The following GPM6A variants were observed in gnomAD, a reference collection of about 807,000 sequenced individuals.
The protein encoded by GPM6A is glycoprotein M6A.
Under a neutral mutation model 32.1 loss-of-function variants are expected in GPM6A, and 7 were observed. That is an observed-to-expected ratio of 0.22 (90% CI 0.12 to 0.41). The LOEUF (loss-of-function observed/expected upper bound fraction) is 0.41. Among genes scored for constraint, GPM6A ranks in the 10% least tolerant of loss-of-function variants. The pLI, the probability that GPM6A is intolerant of heterozygous loss-of-function variation, is 1.00. For synonymous variants in GPM6A, 130 were observed against 123.4 expected, an observed-to-expected ratio of 1.05 and a Z score of -0.35; for missense variants, 235 against 347.2, an observed-to-expected ratio of 0.68 and a Z score of 2.57.
chr4:175,753,013 A>G (rs1732396792), intron 1 of GPM6A, among the ~76,000 whole-genome samples: 1 of 152,194 alleles, frequency 6.6e-6, no homozygotes, highest in Admixed American at 6.5e-5. Flanking sequence ...CCATGCGCTG[A>G]AACATAGTGT....
intron 1 of GPM6A, among the ~76,000 whole-genome samples, chr4:175,764,363 T>C (rs1044033145): frequency 6.6e-6 from 1 of 152,234 alleles, no homozygotes; most frequent in African/African-American, 2.4e-5. Context: ...TTTCTTATGC[T>C]TGAATGTTAT....
chr4:175,929,544 G>A (rs964513188), intron 1 of GPM6A, among the ~76,000 whole-genome samples: 2 of 152,178 alleles, frequency 1.3e-5, no homozygotes, highest in African/African-American at 4.8e-5. Context: ...TTGATTGGAT[G>A]AGGCATGTAT....
At chr4:175,794,658 T>C (rs1734147749) in intron 1 of GPM6A, among the ~76,000 whole-genome samples, 1 of 152,182 alleles carries the variant, frequency 6.6e-6, no homozygotes. Context: ...TGACTTATGA[T>C]GAATATGGAA....
chr4:175,739,699 G>C (rs1029666284), intron 1 of GPM6A, among the ~76,000 whole-genome samples: 4 of 151,854 alleles, frequency 2.6e-5, no homozygotes, highest in African/African-American at 9.7e-5. Context: ...TAAGGTTCAG[G>C]GGCAAAAGTG....
intron 1 of GPM6A, among the ~76,000 whole-genome samples, chr4:175,850,146 C>A (rs7664176): frequency 0.032 from 4,829 of 152,216 alleles, 240 homozygotes; most frequent in African/African-American, 0.11. Context: ...AACCTTCTTT[C>A]ATTCTTTCCA....
At chr4:175,950,338 A>T (rs1439970513) in intron 1 of GPM6A, among the ~76,000 whole-genome samples, 1 of 152,216 alleles carries the variant, frequency 6.6e-6, no homozygotes, top group Non-Finnish European at 1.5e-5. Context: ...GGCTTTATTA[A>T]TTAAAATAAT....
chr4:175,983,637 T>C (rs1424438170), intron 1 of GPM6A, among the ~76,000 whole-genome samples: 1 of 152,218 alleles, frequency 6.6e-6, no homozygotes, highest in Non-Finnish European at 1.5e-5. Flanking sequence ...TTTCTTAGAA[T>C]AAAGCCCACT....
chr4:175,831,540 C>A lies in GPM6A; in HGVS notation c.-22-19291G>T, dbSNP rs114161181. ...GGGCCCCATGTCAAGAAAGTAACAT[C>A]TTTTTCTGTTTTGCAAAACAAATCC... On this transcript the variant is annotated intron_variant, in intron 1 of 7. Coordinates refer to the GPM6A transcript ENST00000280187. 6.9e-3 allele frequency among the ~76,000 whole-genome samples: 1,047 copies of A among 152,124 alleles called. 15 individuals carry two copies. The highest frequency in any genetic ancestry group is 0.023 in the African/African-American group (974 of 41,520).
At chr4:176,000,372 T>G (rs925202139) in intron 1 of GPM6A, among the ~76,000 whole-genome samples, 3 of 152,208 alleles carry the variant, frequency 2.0e-5, no homozygotes, top group Non-Finnish European at 4.4e-5. Context: ...ACTCAGCTGT[T>G]AACTCCACAC....
At chr4:175,655,199 T>C (rs1243247113) in intron 3 of GPM6A, among the ~76,000 whole-genome samples, 1 of 152,166 alleles carries the variant, frequency 6.6e-6, no homozygotes, top group Non-Finnish European at 1.5e-5. Context: ...TTTTCATTAC[T>C]ATTAATGCAT....
intron 2 of GPM6A, among the ~76,000 whole-genome samples, chr4:175,699,396 A>T (rs1029125904): frequency 1.3e-5 from 2 of 152,198 alleles, no homozygotes; most frequent in Admixed American, 1.3e-4. Context: ...GAAAACTGAT[A>T]AACTGTCTAC....
Position 175,962,016 on chromosome 4 carries a change from A to G in GPM6A, c.-23+40293T>C, listed in dbSNP as rs148841481. ...ATATTAACAGGGGAGCACAACTGAA[A>G]ATGTTCACGTCTCAGGCCTTACTTA... On this transcript the variant is annotated intron_variant, in intron 1 of 7. Transcript: ENST00000280187. 148 of 596,912 alleles carry G rather than the reference A, an allele frequency of 2.5e-4. 1 individual carries two copies. The East Asian group carries it at 4.5e-3, about 18-fold the overall frequency. The allele number at this position is 596,912 out of a possible 1,614,324, so 37.0% of individuals were successfully genotyped here. A position where few individuals can be genotyped will look rare whatever the true frequency, so the allele number is the denominator to read the frequency against.
chr4:175,669,469 C>G (rs1024795807), intron 3 of GPM6A, among the ~76,000 whole-genome samples: 11 of 152,100 alleles, frequency 7.2e-5, no homozygotes, highest in African/African-American at 2.7e-4. Context: ...CCAAATACCC[C>G]AAATCTGCAA....
intron 1 of GPM6A, among the ~76,000 whole-genome samples, chr4:175,789,081 C>T (rs1560933726): frequency 6.6e-6 from 1 of 152,054 alleles, no homozygotes; most frequent in Admixed American, 6.6e-5. Flanking sequence ...TTGAATGAGG[C>T]CAGCAGGGTT....
At chr4:175,721,148 A>AAT (rs3032644) in intron 1 of GPM6A, among the ~76,000 whole-genome samples, 8,453 of 135,138 alleles carry the variant, frequency 0.063, 414 homozygotes, top group East Asian at 0.27. Flanking sequence ...TATATATTCT[A>AAT]ATATATATAT....
chr4:175,693,031 G>A (rs1378919057), intron 2 of GPM6A, among the ~76,000 whole-genome samples: 4 of 151,874 alleles, frequency 2.6e-5, no homozygotes, highest in Non-Finnish European at 5.9e-5. Flanking sequence ...CTATAACTCT[G>A]TTAAAGTACT....
chr4:175,703,289 A>G (rs1466697032), intron 1 of GPM6A, among the ~76,000 whole-genome samples: 1 of 152,092 alleles, frequency 6.6e-6, no homozygotes, highest in Non-Finnish European at 1.5e-5. Flanking sequence ...CTCCTGCCTC[A>G]GCCTCCCGAG....
intron 1 of GPM6A, among the ~76,000 whole-genome samples, chr4:175,711,758 T>A (rs1745563228): frequency 6.6e-6 from 1 of 151,622 alleles, no homozygotes; most frequent in Admixed American, 6.6e-5. Flanking sequence ...CCCTGTGTAG[T>A]AATCTGGGAT....
At chr4:175,711,739 C>T (rs1745562329) in intron 1 of GPM6A, among the ~76,000 whole-genome samples, 1 of 151,188 alleles carries the variant, frequency 6.6e-6, no homozygotes, top group Admixed American at 6.6e-5. Flanking sequence ...GGAGGCTGGC[C>T]TCTTCTGTCC....
Sources: allele counts gnomAD v4.1 joint callset (sites outside exome capture counted in the v4.1 genomes callset), GRCh38; gene constraint gnomAD v4.1.1; transcripts MANE v1.5; gene names NCBI Gene and HGNC (gene_info 2026-07-23, HGNC 2026-07-21).